ATP13A3: variants seen among roughly 807,000 people sequenced by gnomAD.
ATP13A3 encodes the protein polyamine-transporting ATPase 13A3.
In ATP13A3, 59 loss-of-function variants were observed where a neutral mutation model predicts 158.1. The observed-to-expected ratio is 0.37, with a 90% CI of 0.30 to 0.46. The LOEUF is 0.46. ATP13A3 is among the 20% of genes least tolerant of loss of function. The pLI is 1.00. For missense variants in ATP13A3, 1,166 were observed against 1,525.2 expected (o/e 0.76, Z 3.92); for synonymous variants, 491 against 504.3 (o/e 0.97, Z 0.35).
rs189656482 is a variant in ATP13A3 at position 194,460,213 on chromosome 3, T to C, written c.226-242A>G. Among the ~76,000 whole-genome samples the C allele has an allele frequency of 3.6e-3, 543 of 152,292 alleles. 3 individuals are homozygous for C. The highest frequency in any genetic ancestry group is 5.0e-3 in the Non-Finnish European group (338 of 68,020). ...ATAAGCACATCAATACTTCATAAAA[T>C]ATCATGAGTAATTCCTTAATTAGTC... On this transcript the variant is annotated intron_variant, in intron 4 of 33. Coordinates refer to ENST00000645319, the MANE Select transcript of ATP13A3 (RefSeq NM_001367549.1).
intron 6 of ATP13A3, among the ~76,000 whole-genome samples, chr3:194,458,104 A>G (rs1299152802): frequency 6.6e-6 from 1 of 152,048 alleles, no homozygotes; most frequent in African/African-American, 2.4e-5. Flanking sequence ...GCTTATTTTA[A>G]CTGAGATACC....
At chr3:194,436,948 C>A in intron 20 of ATP13A3, 147 bp downstream of exon 20, 2 of 1,118,748 alleles carry the variant, frequency 1.8e-6, no homozygotes, top group Non-Finnish European at 1.2e-6. Flanking sequence ...GGAAAATGTA[C>A]TTTTACTTCA....
chr3:194,465,146 T>C (rs1002060977), intron 2 of ATP13A3, among the ~76,000 whole-genome samples: 8 of 151,850 alleles, frequency 5.3e-5, no homozygotes, highest in African/African-American at 1.7e-4. Context: ...ATTGAGAGAT[T>C]AAAAAAACAA....
chr3:194,428,372 G>A (rs1716970936), intron 28 of ATP13A3, among the ~76,000 whole-genome samples: 1 of 152,092 alleles, frequency 6.6e-6, no homozygotes. Flanking sequence ...TTCTCAACTG[G>A]AGGATTTTGC....
At chr3:194,462,345 T>C in intron 2 of ATP13A3, 109 bp from the exon 3 acceptor site, 1 of 682,082 alleles carries the variant, frequency 1.5e-6, no homozygotes, top group Non-Finnish European at 2.5e-6. Context: ...AACCCCTGGG[T>C]CACGGACCTG....
Position 194,427,193 on chromosome 3 carries a change from A to T in ATP13A3, c.3007T>A (p.Ser1003Thr), listed in dbSNP as rs1316036912. ...AAAACGGAGAAGAGAAGGGCCCCAGATATAAGACCCGAAGGTGGTCTTTGT... is the reference window on the plus strand; with the variant it reads ...AAAACGGAGAAGAGAAGGGCCCCAGTTATAAGACCCGAAGGTGGTCTTTGT... ...VAQRPPSGLI[S>T]GALLFSVLSQ... The change falls in exon 29 of 34, where the codon TCT becomes ACT. Residue 1003 changes from serine to threonine, a missense_variant. Ser to Thr is a moderately conservative substitution (Grantham distance 58). Coordinates refer to ENST00000645319, the MANE Select transcript of ATP13A3 (RefSeq NM_001367549.1). 6.2e-7 allele frequency: 1 copy of T among 1,613,492 alleles called. No homozygotes were observed. The highest frequency in any genetic ancestry group is 8.5e-7 in the Non-Finnish European group (1 of 1,179,894).
In ATP13A3 at chr3:194,444,788, T is replaced by TA. The variant is rs1431479975; in HGVS notation, c.1498-3dup. On this transcript the variant is annotated splice_region_variant and splice_polypyrimidine_tract_variant and intron_variant, in intron 14 of 33. Transcript: ENST00000645319. ...ACCATCTTCAGTTAGAGTTCCAGTC[T>TA]AAAAAACAAAAAAGCACACATGCAC... 6.3e-7 allele frequency: 1 copy of TA among 1,588,676 alleles called. No homozygotes were observed. Among genetic ancestry groups the TA allele is most frequent in the Admixed American group, 1.9e-5 (1 of 52,594 alleles).
At chr3:194,419,116 T>C (rs1284465424) in intron 31 of ATP13A3, among the ~76,000 whole-genome samples, 5 of 152,172 alleles carry the variant, frequency 3.3e-5, no homozygotes, top group Non-Finnish European at 1.5e-5. Flanking sequence ...TTGTATACTA[T>C]ACAGCAATGA....
chr3:194,485,950 T>C, intron 1 of ATP13A3, 115 bp from the exon 2 acceptor site: 1 of 151,024 alleles, frequency 6.6e-6, no homozygotes, highest in Non-Finnish European at 1.5e-5. Flanking sequence ...TCCCTACCCC[T>C]CACCTCCCCA....
Position 194,438,861 on chromosome 3 carries a change from C to G in ATP13A3, c.1822G>C (p.Glu608Gln). The change falls in exon 17 of 34, where the codon GAA (glutamate) becomes CAA (glutamine). Residue 608 changes from glutamate to glutamine, a missense_variant. By Grantham distance (29) the Glu-to-Gln change is conservative. Transcript: ENST00000645319. ...LPESTPAGNQ[E>Q]MELFELPATY... is the part of the protein sequence containing the mutation. ...AGCTTTAAGTGATTTCTCACCATTT[C>G]TTGGTTTCCTGCAGGGGTAGATTCA... 1 of 1,564,090 alleles carries G rather than the reference C, an allele frequency of 6.4e-7. No individual in the cohort carries two copies. Among genetic ancestry groups the G allele is most frequent in the Non-Finnish European group, 8.7e-7 (1 of 1,144,096 alleles).
At position 194,419,952 on chromosome 3, in the gene ATP13A3, G is replaced by GA; in HGVS notation, c.3328dup (p.Ser1110PhefsTer21). On this transcript the variant is annotated frameshift_variant, in exon 31 of 34. Transcript: ENST00000645319. LOFTEE classifies it high-confidence loss of function. Reference sequence around the variant, plus strand: ...TATAAAAATATATAAAAAAATCACAGAAAAAACAAAAAAATCTGGAAAAGA... The same window carrying GA: ...TATAAAAATATATAAAAAAATCACAGAAAAAAACAAAAAAATCTGGAAAAGA... The GA allele has an allele frequency of 4.6e-6, 7 of 1,527,954 alleles. No homozygotes were observed. Among genetic ancestry groups the GA allele is most frequent in the Non-Finnish European group, 6.1e-6 (7 of 1,148,528 alleles). The allele number at this position is 1,527,954 out of a possible 1,614,324, so 94.6% of individuals were successfully genotyped here. A position where few individuals can be genotyped will look rare whatever the true frequency, so the allele number is the denominator to read the frequency against.
chr3:194,403,917 TG>T lies in ATP13A3; in HGVS notation c.*2001del, dbSNP rs3836225. On this transcript the variant is annotated 3_prime_UTR_variant, in exon 34 of 34. Coordinates refer to ENST00000645319, the MANE Select transcript of ATP13A3 (RefSeq NM_001367549.1). ...TTACTAACTCTAAATGTTAAAAAAG[TG>T]GGGGGGGGGTGTCAAAAATAGCTCT... is the stretch of plus-strand genomic sequence containing the variant. 57,674 of 264,390 alleles carry T rather than the reference TG, an allele frequency of 0.22. 6,094 individuals carry two copies. The highest frequency in any genetic ancestry group is 0.45 in the African/African-American group (18,929 of 41,918). The allele number at this position is 264,390 out of a possible 1,614,324, so 16.4% of individuals were successfully genotyped here. A position where few individuals can be genotyped will look rare whatever the true frequency, so the allele number is the denominator to read the frequency against.
chr3:194,472,661 G>A (rs377433249), intron 2 of ATP13A3, among the ~76,000 whole-genome samples: 18 of 152,176 alleles, frequency 1.2e-4, no homozygotes, highest in African/African-American at 4.1e-4. Context: ...ATATCCAAAG[G>A]AAAATAAATC....
At position 194,447,098 on chromosome 3, in the gene ATP13A3, T is replaced by G. The variant is rs761536550; in HGVS notation, c.1326A>C (p.Ile442=). The G allele has an allele frequency of 6.2e-7, 1 of 1,608,574 alleles. No individual in the cohort carries two copies. Among genetic ancestry groups the G allele is most frequent in the Non-Finnish European group, 8.5e-7 (1 of 1,178,662 alleles). ...TGATAATATCAAGAGACTCGATAATTATGACCCCAACTTGTACCTACAATT... is the reference window on the plus strand; with the variant it reads ...TGATAATATCAAGAGACTCGATAATGATGACCCCAACTTGTACCTACAATT... ...SILNEVQVGV[I]IIESLDIITI... is the part of the protein sequence containing the mutation. The change falls in exon 14 of 34, where the codon ATA becomes ATC. Residue 442 remains isoleucine (I), a synonymous_variant. Transcript: ENST00000645319.
At chr3:194,428,700 C>A in intron 28 of ATP13A3, 145 bp downstream of exon 28, 1 of 538,104 alleles carries the variant, frequency 1.9e-6, no homozygotes, top group Non-Finnish European at 3.2e-6. Flanking sequence ...AAGATATAAA[C>A]AACTGGTAAT....
At chr3:194,418,157 A>T (rs1716024727) in intron 31 of ATP13A3, among the ~76,000 whole-genome samples, 1 of 152,240 alleles carries the variant, frequency 6.6e-6, no homozygotes, top group South Asian at 2.1e-4. Flanking sequence ...AGAGAAAAAA[A>T]GAAAAAGAAA....
intron 13 of ATP13A3, 102 bp from the exon 14 acceptor site, chr3:194,447,217 AT>A: frequency 9.9e-7 from 1 of 1,007,928 alleles, no homozygotes; most frequent in Non-Finnish European, 1.5e-6. Flanking sequence ...TCAATTGTAT[AT>A]TTCAATTTTA....
chr3:194,445,537 A>G (rs1718343570), intron 14 of ATP13A3, among the ~76,000 whole-genome samples: 1 of 152,246 alleles, frequency 6.6e-6, no homozygotes, highest in Non-Finnish European at 1.5e-5. Flanking sequence ...TAACTGATAA[A>G]GCTGGGTAAT....
chr3:194,452,508 T>A (rs1161755185), intron 10 of ATP13A3: 1 of 152,190 alleles, frequency 6.6e-6, no homozygotes, highest in East Asian at 1.9e-4. Context: ...ATAAAATAAA[T>A]TAATAATAAT....
Sources: allele counts gnomAD v4.1 joint callset (sites outside exome capture counted in the v4.1 genomes callset), GRCh38; gene constraint gnomAD v4.1.1; transcripts MANE v1.5; gene names NCBI Gene and HGNC (gene_info 2026-07-23, HGNC 2026-07-21).